IGSF5: variants seen among roughly 807,000 people sequenced by gnomAD.
The protein encoded by IGSF5 is immunoglobulin superfamily 5 like.
A neutral mutation model predicts 39.4 loss-of-function variants in IGSF5; 41 were observed. The observed-to-expected ratio is 1.04, with a 90% CI of 0.81 to 1.35. IGSF5 has a LOEUF of 1.35. IGSF5 is among the 40% of genes most tolerant of loss of function. The pLI is 0.00. For missense variants in IGSF5, 487 were observed against 494.6 expected, an observed-to-expected ratio of 0.98 and a Z score of 0.15; for synonymous variants, 183 against 175.3, an observed-to-expected ratio of 1.04 and a Z score of -0.34.
chr21:39,731,380 G>C, the IGSF5 span, among the ~76,000 whole-genome samples: 1 of 152,170 alleles, frequency 6.6e-6, no homozygotes, highest in African/African-American at 2.4e-5. Flanking sequence ...TGTGGCTGTG[G>C]TATAAGTCCT....
chr21:39,723,015 A>T, the IGSF5 span, among the ~76,000 whole-genome samples: 1 of 152,256 alleles, frequency 6.6e-6, no homozygotes, highest in Non-Finnish European at 1.5e-5. Flanking sequence ...ACCTATAAAA[A>T]TGCATTAGTT....
chr21:39,715,545 C>G, the IGSF5 span, among the ~76,000 whole-genome samples: 29 of 152,174 alleles, frequency 1.9e-4, no homozygotes, highest in African/African-American at 7.0e-4. Context: ...TATTTATTTT[C>G]TTAATAATCA....
the IGSF5 span, among the ~76,000 whole-genome samples, chr21:39,737,553 T>C: frequency 6.6e-6 from 1 of 152,194 alleles, no homozygotes; most frequent in Non-Finnish European, 1.5e-5. Context: ...TTTGCTAGAA[T>C]GACTCTCAGG....
chr21:39,715,899 G>A, the IGSF5 span, among the ~76,000 whole-genome samples: 1 of 152,088 alleles, frequency 6.6e-6, no homozygotes, highest in Admixed American at 6.5e-5. Flanking sequence ...GTGTGGGGGG[G>A]TGGCTGGGGA....
In IGSF5 at chr21:39,765,762, A is replaced by T. The variant is rs112166899; in HGVS notation, c.328A>T (p.Ile110Phe). 8.1e-5 allele frequency: 130 copies of T among 1,614,146 alleles called. 1 individual carries two copies. The African/African-American group carries it at 1.3e-3, about 17-fold the overall frequency. ...CGGGAACTTCACCTCGGAGATGATC[A>T]TCCACAATGTGGAGCCCAGTGATTC... ...QGGNFTSEMI[I>F]HNVEPSDSGN... The change falls in exon 3 of 9, where the codon ATC (isoleucine) becomes TTC (phenylalanine). Residue 110 changes from isoleucine (I) to phenylalanine (F), a missense_variant. Ile to Phe is a conservative substitution (Grantham distance 21). Coordinates refer to ENST00000380588, the MANE Select transcript of IGSF5 (RefSeq NM_001080444.2).
chr21:39,788,645 C>T (rs953074498), intron 6 of IGSF5, among the ~76,000 whole-genome samples: 2 of 152,170 alleles, frequency 1.3e-5, no homozygotes, highest in Admixed American at 6.5e-5. Flanking sequence ...AGGCAGTGTT[C>T]GGTGCTCATT....
the IGSF5 span, among the ~76,000 whole-genome samples, chr21:39,727,536 G>A: frequency 1.1e-4 from 17 of 152,324 alleles, no homozygotes; most frequent in South Asian, 1.2e-3. Flanking sequence ...GACCCTGAGC[G>A]GTGAAAAGGC....
At chr21:39,785,755 C>T (rs2080197442) in intron 5 of IGSF5, among the ~76,000 whole-genome samples, 1 of 151,940 alleles carries the variant, frequency 6.6e-6, no homozygotes, top group East Asian at 1.9e-4. Flanking sequence ...TGTAGTTCTC[C>T]TTGAAGAGGT....
At chr21:39,734,679 G>A in the IGSF5 span, among the ~76,000 whole-genome samples, 22 of 151,932 alleles carry the variant, frequency 1.4e-4, no homozygotes, top group Admixed American at 2.6e-4. Context: ...GCTGGTATTC[G>A]CCACCAATTG....
At chr21:39,716,850 C>T in the IGSF5 span, among the ~76,000 whole-genome samples, 10 of 152,280 alleles carry the variant, frequency 6.6e-5, 1 homozygote, top group East Asian at 7.7e-4. Context: ...TTATATTCCT[C>T]TGGGTATTTA....
At chr21:39,792,502 C>T (rs2086971244) in intron 7 of IGSF5, among the ~76,000 whole-genome samples, 1 of 151,996 alleles carries the variant, frequency 6.6e-6, no homozygotes, top group Non-Finnish European at 1.5e-5. Flanking sequence ...ACGTTGTGCA[C>T]ATGTACCCTA....
intron 5 of IGSF5, among the ~76,000 whole-genome samples, chr21:39,782,997 G>A (rs1024270687): frequency 2.6e-5 from 4 of 151,840 alleles, no homozygotes; most frequent in African/African-American, 9.7e-5. Flanking sequence ...ATCTTTCTGT[G>A]CCTGACTTAT....
At chr21:39,717,372 A>G in the IGSF5 span, among the ~76,000 whole-genome samples, 1 of 151,982 alleles carries the variant, frequency 6.6e-6, no homozygotes, top group African/African-American at 2.4e-5. Context: ...CAATTTTTGC[A>G]TTTGTTGTGA....
At chr21:39,798,097 G>A (rs924500335) in intron 8 of IGSF5, among the ~76,000 whole-genome samples, 1 of 152,158 alleles carries the variant, frequency 6.6e-6, no homozygotes, top group Non-Finnish European at 1.5e-5. Context: ...CAGATTTATG[G>A]TCTTCACCTC....
intron 8 of IGSF5, among the ~76,000 whole-genome samples, chr21:39,795,931 A>G (rs148881591): frequency 3.3e-4 from 51 of 152,268 alleles, no homozygotes; most frequent in African/African-American, 1.2e-3. Context: ...GGGTTATTAA[A>G]TAACTGGATC....
chr21:39,785,751 T>C (rs1239642963), intron 5 of IGSF5, among the ~76,000 whole-genome samples: 1 of 152,024 alleles, frequency 6.6e-6, no homozygotes, highest in Non-Finnish European at 1.5e-5. Flanking sequence ...GGTTTGTAGT[T>C]CTCCTTGAAG....
rs150453469 is a variant in IGSF5, at chr21:39,773,511, A to C, written c.718+2296A>C. Among the ~76,000 whole-genome samples, 97 of 114,396 alleles carry C rather than the reference A, an allele frequency of 8.5e-4. No individual in the cohort carries two copies. In the Middle Eastern group the frequency reaches 0.016, roughly 19 times the overall value. 75.0% of individuals were successfully genotyped at this position (114,396 alleles called of 152,430 possible). A position where few individuals can be genotyped will look rare whatever the true frequency, so the allele number is the denominator to read the frequency against. ...TTCCTCACAGTTTTAGTAGGGACTCAATTTTGTCCAATACATTCTAATCTA... is the reference window on the plus strand; with the variant it reads ...TTCCTCACAGTTTTAGTAGGGACTCCATTTTGTCCAATACATTCTAATCTA... On this transcript the variant is annotated intron_variant, in intron 4 of 8. Transcript: ENST00000380588.
At chr21:39,743,705 C>A (rs117551134), upstream of IGSF5, among the ~76,000 whole-genome samples, 1 of 151,906 alleles carries the variant, frequency 6.6e-6, no homozygotes, top group Non-Finnish European at 1.5e-5. Flanking sequence ...TGCATAACTG[C>A]GAGTTGTCTC....
chr21:39,721,030 G>A, the IGSF5 span, among the ~76,000 whole-genome samples: 1 of 152,162 alleles, frequency 6.6e-6, no homozygotes, highest in Non-Finnish European at 1.5e-5. Context: ...CCTGTAGAAC[G>A]AGACATTTTA....
Sources: gnomAD v4.1 joint callset for allele counts (sites outside exome capture counted in the v4.1 genomes callset) on GRCh38, gnomAD v4.1.1 for gene constraint, MANE v1.5 for transcripts, NCBI Gene and HGNC (gene_info 2026-07-23, HGNC 2026-07-21) for gene names.